Variants in ZMAT4 observed in about 807,000 individuals in gnomAD.
ZMAT4 encodes the protein zinc finger matrin-type protein 4.
A neutral mutation model predicts 28.7 loss-of-function variants in ZMAT4; 17 were observed. The observed-to-expected ratio is 0.59, with a 90% CI of 0.41 to 0.89. The LOEUF is 0.89. Ranked by LOEUF, ZMAT4 falls within the 40% of genes least tolerant of loss-of-function variation. ZMAT4 has a pLI of 0.00. For missense variants in ZMAT4, 240 were observed against 283.8 expected, an observed-to-expected ratio of 0.85 and a Z score of 1.11; for synonymous variants, 117 against 109.2, an observed-to-expected ratio of 1.07 and a Z score of -0.44.
At chr8:40,757,633 A>C (rs1373776605) in intron 3 of ZMAT4, among the ~76,000 whole-genome samples, 1 of 152,078 alleles carries the variant, frequency 6.6e-6, no homozygotes, top group Non-Finnish European at 1.5e-5. Context: ...CATATACTGT[A>C]CCATACTTTA....
intron 2 of ZMAT4, among the ~76,000 whole-genome samples, chr8:40,815,478 C>A (rs1287652522): frequency 6.6e-6 from 1 of 152,070 alleles, no homozygotes; most frequent in Non-Finnish European, 1.5e-5. Context: ...TAGAGGAGAG[C>A]AAAGGAAAAT....
At chr8:40,624,810 A>G (rs1806313075) in intron 5 of ZMAT4, among the ~76,000 whole-genome samples, 3 of 152,062 alleles carry the variant, frequency 2.0e-5, no homozygotes, top group South Asian at 2.1e-4. Flanking sequence ...ACAAATACGT[A>G]CTCTGCACTT....
At chr8:40,889,673 G>A (rs1456085529) in intron 1 of ZMAT4, among the ~76,000 whole-genome samples, 4 of 151,802 alleles carry the variant, frequency 2.6e-5, no homozygotes, top group Non-Finnish European at 4.4e-5. Context: ...TATATTATTA[G>A]CATTTTCCCA....
At chr8:40,813,003 A>G (rs1413767173) in intron 2 of ZMAT4, among the ~76,000 whole-genome samples, 1 of 150,702 alleles carries the variant, frequency 6.6e-6, no homozygotes, top group Non-Finnish European at 1.5e-5. Context: ...AAAAATATAT[A>G]TATGCTATAT....
chr8:40,536,567 A>C (rs1478128811), intron 6 of ZMAT4, among the ~76,000 whole-genome samples: 1 of 152,176 alleles, frequency 6.6e-6, no homozygotes, highest in African/African-American at 2.4e-5. Flanking sequence ...TGGATCACAG[A>C]AAATCAGGTG....
At chr8:40,853,397 TAC>T (rs535164984) in intron 1 of ZMAT4, among the ~76,000 whole-genome samples, 140 of 151,944 alleles carry the variant, frequency 9.2e-4, no homozygotes, top group African/African-American at 3.1e-3. Flanking sequence ...CTACTAAAAA[TAC>T]AAAAAACTTA....
At chr8:40,764,287 A>G (rs1373307642) in intron 3 of ZMAT4, among the ~76,000 whole-genome samples, 1 of 152,218 alleles carries the variant, frequency 6.6e-6, no homozygotes, top group Non-Finnish European at 1.5e-5. Context: ...AGATCCGAGT[A>G]AGGATTCTAA....
intron 1 of ZMAT4, among the ~76,000 whole-genome samples, chr8:40,883,465 T>C (rs1000836214): frequency 2.6e-5 from 4 of 152,104 alleles, no homozygotes; most frequent in East Asian, 3.9e-4. Context: ...CCCTTCTCCC[T>C]CCTGGATGTC....
At chr8:40,840,477 C>A (rs1187084648) in intron 1 of ZMAT4, among the ~76,000 whole-genome samples, 1 of 152,174 alleles carries the variant, frequency 6.6e-6, no homozygotes, top group East Asian at 1.9e-4. Context: ...CTAAACTCTG[C>A]AAAGTCTCTT....
intron 2 of ZMAT4, among the ~76,000 whole-genome samples, chr8:40,820,891 TTA>T (rs1405030927): frequency 5.8e-5 from 2 of 34,766 alleles, no homozygotes; most frequent in Non-Finnish European, 1.5e-4. Context: ...GTGTATGTGT[TTA>T]TGTGTGTGTT....
At chr8:40,592,015 T>C (rs1351949003) in intron 5 of ZMAT4, among the ~76,000 whole-genome samples, 1 of 152,150 alleles carries the variant, frequency 6.6e-6, no homozygotes, top group Admixed American at 6.5e-5. Flanking sequence ...AGAAGAACCC[T>C]GTTTCTTTTG....
chr8:40,869,627 C>T (rs944543863), intron 1 of ZMAT4, among the ~76,000 whole-genome samples: 1 of 152,202 alleles, frequency 6.6e-6, no homozygotes, highest in Non-Finnish European at 1.5e-5. Flanking sequence ...CCACGTCCAC[C>T]TGAGTGCCCA....
chr8:40,697,357 G>A lies in ZMAT4; in HGVS notation c.237C>T (p.Leu79=). 1 of 1,613,728 alleles carries A rather than the reference G, an allele frequency of 6.2e-7. No individual in the cohort carries two copies. The highest frequency in any genetic ancestry group is 8.5e-7 in the Non-Finnish European group (1 of 1,179,778). Residue 79 remains leucine (L), a synonymous_variant, in exon 4 of 7, where the codon CTC becomes CTT. Transcript: ENST00000297737. ...DMVDKNKCCT[L]CNMSFTSAVV... Reference sequence around the variant, plus strand: ...CCGCTGAAGTGAATGACATGTTGCAGAGTGTGCAGCACTTGTTCTTATCCA... The same window carrying A: ...CCGCTGAAGTGAATGACATGTTGCAAAGTGTGCAGCACTTGTTCTTATCCA...
chr8:40,533,888 G>GT (rs1490125670), intron 6 of ZMAT4, among the ~76,000 whole-genome samples: 1 of 152,158 alleles, frequency 6.6e-6, no homozygotes, highest in Non-Finnish European at 1.5e-5. Context: ...AAAAATTAAT[G>GT]TGACATAAGG....
chr8:40,645,978 C>T (rs1807291653), intron 5 of ZMAT4, among the ~76,000 whole-genome samples: 1 of 152,034 alleles, frequency 6.6e-6, no homozygotes, highest in South Asian at 2.1e-4. Context: ...TTATTCACAC[C>T]ATAATAGATA....
At chr8:40,821,039 A>ATGTGTGGGTG (rs2150606881) in intron 2 of ZMAT4, among the ~76,000 whole-genome samples, 1 of 142,082 alleles carries the variant, frequency 7.0e-6, no homozygotes, top group South Asian at 2.3e-4. Flanking sequence ...ATGTGTATGT[A>ATGTGTGGGTG]TGTGTGGGTG....
Position 40,674,813 on chromosome 8 carries a change from G to A in ZMAT4, c.468C>T (p.Asn156=), listed in dbSNP as rs1563403753. Residue 156 remains asparagine (N), a synonymous_variant, in exon 5 of 7, where the codon AAC becomes AAT. Coordinates refer to ENST00000297737, the MANE Select transcript of ZMAT4 (RefSeq NM_024645.3). ...YCGLCAAWFN[N]PLMAQQHYDG... ...CATAATGTTGCTGGGCCATCAGAGG[G>A]TTATTAAACCAGGCTGCACAGAGCC... 1.9e-6 allele frequency: 3 copies of A among 1,613,930 alleles called. No homozygotes were observed. The highest frequency in any genetic ancestry group is 1.7e-4 in the Middle Eastern group (1 of 6,060).
chr8:40,560,320 A>G (rs1803693924), intron 6 of ZMAT4, among the ~76,000 whole-genome samples: 1 of 152,044 alleles, frequency 6.6e-6, no homozygotes, highest in East Asian at 1.9e-4. Context: ...TTTTCCATTA[A>G]AGCTCTGTAG....
At chr8:40,833,909 A>T (rs9987323) in intron 1 of ZMAT4, among the ~76,000 whole-genome samples, 40,090 of 152,164 alleles carry the variant, frequency 0.26, 6,210 homozygotes, top group Middle Eastern at 0.4. Flanking sequence ...CATCACCCAG[A>T]TGCAGGTGCA....
Sources: allele counts gnomAD v4.1 joint callset (sites outside exome capture counted in the v4.1 genomes callset), GRCh38; gene constraint gnomAD v4.1.1; transcripts MANE v1.5; gene names NCBI Gene and HGNC (gene_info 2026-07-23, HGNC 2026-07-21).